GNAS: variants seen among roughly 807,000 people sequenced by gnomAD.
The protein encoded by GNAS is GNAS complex locus.
GNAS carries 8 observed loss-of-function variants against 54.5 expected under a neutral mutation model. The observed-to-expected ratio is 0.15, with a 90% confidence interval of 0.09 to 0.26. The LOEUF is 0.26. Ranked by LOEUF, GNAS falls within the 10% of genes least tolerant of loss-of-function variation. The probability of loss-of-function intolerance (pLI) is 1.00; values close to 1 mark genes in which losing one functional copy is unlikely to be tolerated. For synonymous variants in GNAS, 204 were observed against 191.4 expected (o/e 1.07, Z -0.54); for missense variants, 170 against 529.8 (o/e 0.32, Z 6.67).
intron 1 of GNAS, among the ~76,000 whole-genome samples, chr20:58,851,093 G>A (rs1161316869): frequency 6.6e-6 from 1 of 152,230 alleles, no homozygotes. Flanking sequence ...CGTGGGTGTA[G>A]TTGGCCAAAG....
At chr20:58,855,875 T>A (rs2086475193) in intron 1 of GNAS, 1 of 530,924 alleles carries the variant, frequency 1.9e-6, no homozygotes, top group Non-Finnish European at 3.3e-6. Context: ...ACCCCCAAAT[T>A]ACCCGCCGAC....
At chr20:58,852,918 C>A in intron 1 of GNAS, 1 of 751,890 alleles carries the variant, frequency 1.3e-6, no homozygotes, top group South Asian at 6.0e-5. Flanking sequence ...CGAATCGGCA[C>A]GCTCGTCAGA....
chr20:58,901,547 A>G (rs2090600152), intron 3 of GNAS, among the ~76,000 whole-genome samples: 1 of 151,942 alleles, frequency 6.6e-6, no homozygotes, highest in African/African-American at 2.4e-5. Flanking sequence ...ATTCCTGGCA[A>G]CATCTGTCCC....
At chr20:58,896,868 T>C (rs1477189223) in intron 2 of GNAS, among the ~76,000 whole-genome samples, 1 of 152,120 alleles carries the variant, frequency 6.6e-6, no homozygotes, top group Non-Finnish European at 1.5e-5. Flanking sequence ...CGTTTAATTA[T>C]ACCAACCACC....
intron 1 of GNAS, among the ~76,000 whole-genome samples, chr20:58,868,538 T>C (rs2087212834): frequency 6.9e-6 from 1 of 144,128 alleles, no homozygotes; most frequent in Non-Finnish European, 1.5e-5. Context: ...AAGTGGGGCA[T>C]CTGCTCGCCA....
rs1340321834 is a variant in GNAS, at chr20:58,857,473, G to A, written c.43+16587G>A. The stretch of plus-strand genomic sequence containing the variant: ...CTGGGAAGCAAACCTGTAGATTGGG[G>A]GTGGGAGGACATAAATGCATACAGA... On this transcript the variant is annotated intron_variant, in intron 1 of 12. Transcript: ENST00000306090. This position sits in a 1 kb window ranked among gnomAD's most constrained non-coding sequence, Gnocchi z 4.1. 1.3e-5 allele frequency among the ~76,000 whole-genome samples: 2 copies of A among 152,186 alleles called. No individual in the cohort carries two copies. Among genetic ancestry groups the A allele is most frequent in the African/African-American group, 4.8e-5 (2 of 41,438 alleles).
Position 58,856,752 on chromosome 20 carries a change from T to A in GNAS, c.43+15866T>A, listed in dbSNP as rs767632724. 5.3e-5 allele frequency: 8 copies of A among 152,286 alleles called. No individual in the cohort carries two copies. The highest frequency in any genetic ancestry group is 2.0e-4 in the Admixed American group (3 of 15,298). The allele number at this position is 152,286 out of a possible 1,614,324, so 9.4% of individuals were successfully genotyped here. A position where few individuals can be genotyped will look rare whatever the true frequency, so the allele number is the denominator to read the frequency against. The stretch of plus-strand genomic sequence containing the variant: ...TTTTGATTACAGAAGTTAAAAATCA[T>A]GATATTCTTGTCAGGAGGGTATTTT... On this transcript the variant is annotated intron_variant, in intron 1 of 12. Transcript: ENST00000306090. The surrounding 1 kb of genome is among the most constrained non-coding windows in gnomAD (Gnocchi z 4.2).
chr20:58,891,709 G>GCCGCCGCCGCAGCCCGGCCGCGCC lies in GNAS; in HGVS notation c.-8_-7insAGCCCGGCCGCGCCCCGCCGCCGC. 1 of 970,958 alleles carries GCCGCCGCCGCAGCCCGGCCGCGCC rather than the reference G, an allele frequency of 1.0e-6. No individual in the cohort carries two copies. The highest frequency in any genetic ancestry group is 1.3e-6 in the Non-Finnish European group (1 of 789,866). 60.1% of individuals were successfully genotyped at this position (970,958 alleles called of 1,614,324 possible). ...CGCCGCCGCAGCCCGGCCGCGCCCC[G>GCCGCCGCCGCAGCCCGGCCGCGCC]CCGCCGCCGCCGCCGCCATGGGCTG... On this transcript the variant is annotated 5_prime_UTR_variant, in exon 1 of 13. Transcript: ENST00000371085.
At chr20:58,889,176 A>T, upstream of GNAS, 1 of 1,215,110 alleles carries the variant, frequency 8.2e-7, no homozygotes. Context: ...CGGCGGGGAC[A>T]CTCAGTCGCG....
At chr20:58,854,851 G>T (rs1222434970) in intron 1 of GNAS, 2 of 1,597,206 alleles carry the variant, frequency 1.3e-6, no homozygotes, top group Non-Finnish European at 1.7e-6. Context: ...ATCCATCTCA[G>T]ACCCCCCAGC....
intron 1 of GNAS, chr20:58,854,968 G>A: frequency 1.2e-6 from 2 of 1,611,634 alleles, no homozygotes; most frequent in Non-Finnish European, 1.7e-6. Context: ...TACGATGAAG[G>A]GGTGGCCAGC....
chr20:58,902,483 A>G (rs950965169), intron 3 of GNAS, among the ~76,000 whole-genome samples: 1 of 152,120 alleles, frequency 6.6e-6, no homozygotes, highest in African/African-American at 2.4e-5. Flanking sequence ...CTGAATATAG[A>G]TCATTCCATA....
In GNAS at chr20:58,854,608, A is replaced by C. The variant is rs776846313; in HGVS notation, c.43+13722A>C. 66 of 1,510,670 alleles carry C rather than the reference A, an allele frequency of 4.4e-5. No homozygotes were observed. Among genetic ancestry groups the C allele is most frequent in the Admixed American group, 3.5e-4 (17 of 48,950 alleles). The allele number at this position is 1,510,670 out of a possible 1,614,324, so 93.6% of individuals were successfully genotyped here. On this transcript the variant is annotated intron_variant, in intron 1 of 12. Coordinates refer to the GNAS transcript ENST00000306090. ...GATCCCGACTCCGGGGCGGCCCCTG[A>C]CGCCCCAGCCGATCCCGACTCCGGG...
At chr20:58,901,385 C>T (rs1051865279) in intron 3 of GNAS, among the ~76,000 whole-genome samples, 4 of 152,216 alleles carry the variant, frequency 2.6e-5, no homozygotes, top group Non-Finnish European at 5.9e-5. Flanking sequence ...GACTCACTCC[C>T]TTTCACTCTA....
intron 6 of GNAS, among the ~76,000 whole-genome samples, chr20:58,906,319 C>T (rs2091044036): frequency 6.6e-6 from 1 of 152,134 alleles, no homozygotes; most frequent in Non-Finnish European, 1.5e-5. Context: ...CACAACTCTA[C>T]CTGATGCCCA....
intron 3 of GNAS, 23 bp from the exon 4 acceptor site, chr20:58,903,502 ATTTTCT>A (rs773990134): frequency 9.4e-6 from 15 of 1,590,238 alleles, no homozygotes; most frequent in Non-Finnish European, 1.1e-5. Flanking sequence ...GTGCAATATG[ATTTTCT>A]TTTCTTTTCA....
intron 3 of GNAS, among the ~76,000 whole-genome samples, chr20:58,901,563 C>G (rs2090604489): frequency 6.6e-6 from 1 of 151,576 alleles, no homozygotes; most frequent in African/African-American, 2.4e-5. Context: ...GTCCCCCCTC[C>G]CCACCCCAGA....
chr20:58,867,944 A>G (rs533740428), intron 1 of GNAS, among the ~76,000 whole-genome samples: 1 of 152,278 alleles, frequency 6.6e-6, no homozygotes, highest in South Asian at 2.1e-4. Context: ...GATGAATCCA[A>G]AAGGCTTGCA....
intron 5 of GNAS, among the ~76,000 whole-genome samples, chr20:58,904,512 C>T (rs1021109753): frequency 6.6e-6 from 1 of 152,088 alleles, no homozygotes; most frequent in African/African-American, 2.4e-5. Context: ...AAGTTTAGGC[C>T]CCTTCGTGGG....
Sources: allele counts gnomAD v4.1 joint callset (sites outside exome capture counted in the v4.1 genomes callset), GRCh38; gene constraint gnomAD v4.1.1; non-coding constraint Gnocchi (gnomAD v3.1); transcripts MANE v1.5; gene names NCBI Gene and HGNC (gene_info 2026-07-23, HGNC 2026-07-21).